LRRC4C: variants seen among roughly 807,000 people sequenced by gnomAD.
LRRC4C encodes the protein leucine rich repeat containing 4C.
LRRC4C carries 5 observed loss-of-function variants against 33.6 expected under a neutral mutation model. The ratio of observed to expected loss-of-function variants is 0.15; its 90% CI spans 0.08 to 0.31. The LOEUF (loss-of-function observed/expected upper bound fraction) is 0.31, where lower values mean the gene tolerates loss of function less well. Ranked by LOEUF, LRRC4C falls within the 10% of genes least tolerant of loss-of-function variation. The pLI is 1.00. For missense variants in LRRC4C, 560 were observed against 796.7 expected (o/e 0.70, Z 3.58); for synonymous variants, 329 against 302.0 (o/e 1.09, Z -0.93).
chr11:41,323,425 A>T (rs1445096885), intron 1 of LRRC4C, among the ~76,000 whole-genome samples: 2 of 152,246 alleles, frequency 1.3e-5, no homozygotes, highest in East Asian at 3.8e-4. Flanking sequence ...TACAGGAAGA[A>T]AGGAAATGAG....
chr11:40,119,920 C>T (rs1855706771), intron 6 of LRRC4C, among the ~76,000 whole-genome samples: 1 of 152,110 alleles, frequency 6.6e-6, no homozygotes, highest in African/African-American at 2.4e-5. Context: ...TACCACTTAC[C>T]AGACAACAAG....
At chr11:40,444,902 G>A (rs1055682791) in intron 3 of LRRC4C, among the ~76,000 whole-genome samples, 9 of 152,160 alleles carry the variant, frequency 5.9e-5, no homozygotes, top group African/African-American at 1.4e-4. Context: ...TCTCACTTAC[G>A]TAAGGTACAA....
At chr11:41,364,836 A>G (rs1952477933) in intron 1 of LRRC4C, among the ~76,000 whole-genome samples, 1 of 152,184 alleles carries the variant, frequency 6.6e-6, no homozygotes, top group African/African-American at 2.4e-5. Context: ...CTGGTGAAAT[A>G]AAATCCCCAA....
At chr11:40,505,772 A>G (rs1471625676) in intron 3 of LRRC4C, among the ~76,000 whole-genome samples, 2 of 152,148 alleles carry the variant, frequency 1.3e-5, no homozygotes, top group Non-Finnish European at 2.9e-5. Flanking sequence ...CAAAGAGGAA[A>G]TGGGAGCTCG....
intron 3 of LRRC4C, among the ~76,000 whole-genome samples, chr11:40,382,123 ATTT>A (rs77934711): frequency 1.0e-4 from 10 of 99,974 alleles, no homozygotes; most frequent in Admixed American, 1.1e-4. Context: ...TGCCCGGCTA[ATTT>A]TTTTTTTTTT....
intron 2 of LRRC4C, among the ~76,000 whole-genome samples, chr11:40,704,401 G>T (rs114155289): frequency 6.6e-6 from 1 of 152,210 alleles, no homozygotes; most frequent in African/African-American, 2.4e-5. Flanking sequence ...TCTTCCTCCA[G>T]CTCACAACCT....
intron 2 of LRRC4C, among the ~76,000 whole-genome samples, chr11:40,839,624 G>A (rs1203455861): frequency 2.0e-5 from 3 of 152,156 alleles, no homozygotes; most frequent in Non-Finnish European, 4.4e-5. Context: ...CCAAGAGGAA[G>A]AAAGCGATTG....
intron 3 of LRRC4C, among the ~76,000 whole-genome samples, chr11:40,443,328 T>A (rs1565393616): frequency 6.6e-6 from 1 of 152,194 alleles, no homozygotes; most frequent in Non-Finnish European, 1.5e-5. Flanking sequence ...GTGGCGGCGC[T>A]TTCATTGCTA....
intron 3 of LRRC4C, among the ~76,000 whole-genome samples, chr11:40,454,309 C>T (rs956836736): frequency 2.6e-5 from 4 of 151,942 alleles, no homozygotes; most frequent in African/African-American, 7.3e-5. Flanking sequence ...TCTTCTCACT[C>T]TCACTCACTT....
At chr11:40,277,922 A>G (rs1440786670) in intron 4 of LRRC4C, among the ~76,000 whole-genome samples, 2 of 152,120 alleles carry the variant, frequency 1.3e-5, no homozygotes, top group African/African-American at 4.8e-5. Flanking sequence ...ACTCACTACT[A>G]TTGCTACCAT....
intron 1 of LRRC4C, among the ~76,000 whole-genome samples, chr11:40,972,112 C>T (rs374558061): frequency 6.7e-6 from 1 of 149,398 alleles, no homozygotes; most frequent in African/African-American, 2.5e-5. Context: ...AGTTAAAACT[C>T]TGGGGGACTG....
intron 5 of LRRC4C, among the ~76,000 whole-genome samples, chr11:40,198,524 G>A (rs532740611): frequency 8.9e-4 from 136 of 152,220 alleles, no homozygotes; most frequent in African/African-American, 2.8e-3. Flanking sequence ...CATGTAATCC[G>A]TTTCTATATT....
intron 2 of LRRC4C, among the ~76,000 whole-genome samples, chr11:40,745,071 C>T (rs1948350410): frequency 6.6e-6 from 1 of 152,092 alleles, no homozygotes; most frequent in Admixed American, 6.5e-5. Flanking sequence ...TTACTGTAAG[C>T]CATCACCATA....
At position 40,466,390 on chromosome 11, in the gene LRRC4C, T is replaced by C. The variant is rs142020469; in HGVS notation, c.-269-146669A>G. Among the ~76,000 whole-genome samples the C allele has an allele frequency of 3.7e-3, 569 of 152,020 alleles. 4 individuals carry two copies. The highest frequency in any genetic ancestry group is 5.8e-3 in the Non-Finnish European group (393 of 67,880). ...ATGCAATATATCAATGTAACAATAC[T>C]TCCCTCGTAACCCCTAAATCTATAA... On this transcript the variant is annotated intron_variant, in intron 3 of 6. Coordinates refer to ENST00000528697, the MANE Select transcript of LRRC4C (RefSeq NM_001258419.2).
intron 2 of LRRC4C, among the ~76,000 whole-genome samples, chr11:40,804,511 C>T (rs1396729862): frequency 6.6e-6 from 1 of 152,184 alleles, no homozygotes; most frequent in Non-Finnish European, 1.5e-5. Flanking sequence ...ACAAGTAGCA[C>T]ATCAGTCACT....
intron 6 of LRRC4C, among the ~76,000 whole-genome samples, chr11:40,119,219 C>A (rs1026343182): frequency 2.0e-5 from 3 of 152,186 alleles, no homozygotes; most frequent in Admixed American, 6.5e-5. Context: ...TAAACATATA[C>A]CCACGTTTAC....
At chr11:41,040,830 G>T (rs1857386175) in intron 1 of LRRC4C, among the ~76,000 whole-genome samples, 1 of 152,248 alleles carries the variant, frequency 6.6e-6, no homozygotes, top group African/African-American at 2.4e-5. Flanking sequence ...GGTATTTAAT[G>T]ACTCTTGAAG....
chr11:40,642,195 A>C (rs12808485), intron 3 of LRRC4C, among the ~76,000 whole-genome samples: 55,585 of 147,354 alleles, frequency 0.38, 10,295 homozygotes, highest in South Asian at 0.41. Context: ...TTAATTTAAA[A>C]TATATACAAG....
At chr11:40,733,666 T>C (rs1354451208) in intron 2 of LRRC4C, among the ~76,000 whole-genome samples, 2 of 152,330 alleles carry the variant, frequency 1.3e-5, no homozygotes, top group Admixed American at 1.3e-4. Context: ...CTAGACTTTA[T>C]GAATCTCAGT....
Sources: allele counts gnomAD v4.1 joint callset (sites outside exome capture counted in the v4.1 genomes callset), GRCh38; gene constraint gnomAD v4.1.1; transcripts MANE v1.5; gene names NCBI Gene and HGNC (gene_info 2026-07-23, HGNC 2026-07-21).